AKAP7: variants seen among roughly 807,000 people sequenced by gnomAD.
AKAP7 encodes the protein A kinase (PRKA) anchor protein 7.
AKAP7 carries 39 observed loss-of-function variants against 39.5 expected under a neutral mutation model. The observed-to-expected ratio is 0.99, with a 90% confidence interval of 0.76 to 1.29. The LOEUF (loss-of-function observed/expected upper bound fraction) is 1.29. AKAP7 is among the 50% of genes most tolerant of loss of function. The pLI is 0.00. For synonymous variants in AKAP7, 140 were observed against 139.1 expected (o/e 1.01, Z -0.05); for missense variants, 414 against 407.7 (o/e 1.02, Z -0.13).
chr6:131,243,950 C>G (rs1299076262), intron 7 of AKAP7, among the ~76,000 whole-genome samples: 1 of 150,320 alleles, frequency 6.7e-6, no homozygotes, highest in Non-Finnish European at 1.5e-5. Context: ...GCAGCCATGT[C>G]TGATAATACA....
Position 131,279,952 on chromosome 6 carries a change from C to A in AKAP7, c.851-1578C>A, listed in dbSNP as rs189366395. Among the ~76,000 whole-genome samples, 6 of 152,204 alleles carry A rather than the reference C, an allele frequency of 3.9e-5. No homozygotes were observed. The East Asian group carries it at 9.7e-4, about 25-fold the overall frequency. Reference sequence around the variant, plus strand: ...AGATGTTGTCTGTAGAGTATAAACACCGTGTTGTAAGGTTGAGATAAAATC... The same window carrying A: ...AGATGTTGTCTGTAGAGTATAAACAACGTGTTGTAAGGTTGAGATAAAATC... On this transcript the variant is annotated intron_variant, in intron 7 of 7. Coordinates refer to ENST00000431975, the MANE Select transcript of AKAP7 (RefSeq NM_016377.4).
chr6:131,204,624 G>T (rs939650146), intron 6 of AKAP7, among the ~76,000 whole-genome samples: 5 of 152,158 alleles, frequency 3.3e-5, no homozygotes, highest in African/African-American at 1.2e-4. Context: ...ACATGCTGAG[G>T]ATTCCCATTT....
At chr6:131,171,622 T>G (rs1287927352) in intron 5 of AKAP7, among the ~76,000 whole-genome samples, 3 of 152,100 alleles carry the variant, frequency 2.0e-5, no homozygotes, top group African/African-American at 4.8e-5. Flanking sequence ...AGGGGAAAGT[T>G]TAATAAGCAG....
intron 5 of AKAP7, among the ~76,000 whole-genome samples, chr6:131,175,968 T>G (rs1804534246): frequency 6.6e-6 from 1 of 152,228 alleles, no homozygotes; most frequent in Non-Finnish European, 1.5e-5. Context: ...TTATAAAAGG[T>G]CCCATGTCTC....
intron 7 of AKAP7, among the ~76,000 whole-genome samples, chr6:131,229,766 C>G (rs950850622): frequency 3.3e-5 from 5 of 152,160 alleles, no homozygotes; most frequent in African/African-American, 1.2e-4. Flanking sequence ...TATACACATG[C>G]CTGTGAAACC....
rs573580671 is a variant in AKAP7 at position 131,141,041 on chromosome 6, A to G, written c.20-4244A>G. 4.2e-4 allele frequency among the ~76,000 whole-genome samples: 64 copies of G among 152,326 alleles called. No homozygotes were observed. The South Asian group carries it at 0.013, about 32-fold the overall frequency. ...AATATAAATAGTAACATTATTAAGA[A>G]TGTACTATTAGGGTTTTTTGGCATT... On this transcript the variant is annotated intron_variant, in intron 1 of 7. Transcript: ENST00000431975.
At chr6:131,268,448 G>A (rs920073874) in intron 7 of AKAP7, among the ~76,000 whole-genome samples, 3 of 152,194 alleles carry the variant, frequency 2.0e-5, no homozygotes, top group African/African-American at 2.4e-5. Context: ...ACTTTGGAAA[G>A]TATGAAGTGT....
At chr6:131,246,094 A>AATATATATATATATAT (rs57449798) in intron 7 of AKAP7, among the ~76,000 whole-genome samples, 1 of 143,942 alleles carries the variant, frequency 6.9e-6, no homozygotes, top group African/African-American at 2.5e-5. Context: ...CAGAAGTCCA[A>AATATATATATATATAT]ATATATATAT....
chr6:131,185,266 C>A (rs1805722103), intron 5 of AKAP7: 1 of 468,360 alleles, frequency 2.1e-6, no homozygotes, highest in Non-Finnish European at 4.0e-6. Flanking sequence ...CAGTGCTGGG[C>A]AGGGTACGAG....
intron 5 of AKAP7, among the ~76,000 whole-genome samples, chr6:131,194,194 C>T (rs564166829): frequency 6.6e-6 from 1 of 152,052 alleles, no homozygotes; most frequent in African/African-American, 2.4e-5. Flanking sequence ...TCCCTCTTAG[C>T]ATGGCTTTTG....
intron 7 of AKAP7, chr6:131,242,163 T>C (rs1161430251): frequency 1.0e-6 from 1 of 984,940 alleles, no homozygotes; most frequent in Non-Finnish European, 1.2e-6. Flanking sequence ...TTTGATCTTC[T>C]ATTACTAGAG....
intron 5 of AKAP7, chr6:131,185,254 G>A (rs1313762137): frequency 1.3e-5 from 6 of 465,980 alleles, no homozygotes; most frequent in Admixed American, 6.0e-5. Flanking sequence ...CGCTTTTTCC[G>A]CCAGTGCTGG....
At position 131,234,729 on chromosome 6, in the gene AKAP7, A is replaced by T. The variant is rs555251742; in HGVS notation, c.850+14921A>T. ...TTTTATATGCAAGCTATTAGAAGTT[A>T]ACTTTACAATTCAGTCTTTTTTTTT... On this transcript the variant is annotated intron_variant, in intron 7 of 7. Transcript: ENST00000431975. Among the ~76,000 whole-genome samples, 7 of 150,890 alleles carry T rather than the reference A, an allele frequency of 4.6e-5. No homozygotes were observed. The East Asian group carries it at 1.4e-3, about 29-fold the overall frequency.
chr6:131,168,493 T>C (rs1277593576), intron 4 of AKAP7, among the ~76,000 whole-genome samples: 1 of 151,960 alleles, frequency 6.6e-6, no homozygotes, highest in Non-Finnish European at 1.5e-5. Flanking sequence ...GAAGGAAAGA[T>C]ATCGCACTTC....
intron 3 of AKAP7, chr6:131,164,202 A>G (rs1215139530): frequency 6.4e-6 from 2 of 312,286 alleles, no homozygotes; most frequent in South Asian, 5.4e-5. Context: ...CTTTTTTTCT[A>G]TTGTGCTGCC....
rs75761579 is a variant in AKAP7 at position 131,275,767 on chromosome 6, G to A, written c.851-5763G>A. ...GGATTCCTACAAGGATGTGCGGATCGGGGGGCTGGCTTCAGACAGCATCTT... is the reference window on the plus strand; with the variant it reads ...GGATTCCTACAAGGATGTGCGGATCAGGGGGCTGGCTTCAGACAGCATCTT... On this transcript the variant is annotated intron_variant, in intron 7 of 7. Coordinates refer to ENST00000431975, the MANE Select transcript of AKAP7 (RefSeq NM_016377.4). 3.6e-4 allele frequency among the ~76,000 whole-genome samples: 55 copies of A among 152,322 alleles called. No homozygotes were observed. The East Asian group carries it at 5.6e-3, about 15-fold the overall frequency.
chr6:131,279,168 A>G (rs534793102), intron 7 of AKAP7, among the ~76,000 whole-genome samples: 1 of 152,326 alleles, frequency 6.6e-6, no homozygotes, highest in Admixed American at 6.5e-5. Flanking sequence ...TTAATGAGGG[A>G]AAGGAAGGCA....
chr6:131,158,085 A>C (rs1174532736), intron 2 of AKAP7, among the ~76,000 whole-genome samples: 1 of 152,234 alleles, frequency 6.6e-6, no homozygotes, highest in Non-Finnish European at 1.5e-5. Context: ...TGAGGCATTA[A>C]CTTAAAATTG....
At chr6:131,227,992 T>A (rs567377921) in intron 7 of AKAP7, among the ~76,000 whole-genome samples, 1 of 152,310 alleles carries the variant, frequency 6.6e-6, no homozygotes, top group South Asian at 2.1e-4. Context: ...ACCTTTTGCC[T>A]TGCTTCTGAG....
Sources: gnomAD v4.1 joint callset for allele counts (sites outside exome capture counted in the v4.1 genomes callset) on GRCh38, gnomAD v4.1.1 for gene constraint, MANE v1.5 for transcripts, NCBI Gene and HGNC (gene_info 2026-07-23, HGNC 2026-07-21) for gene names.